ASAP1: variants seen among roughly 807,000 people sequenced by gnomAD.
ASAP1 encodes ArfGAP with SH3 domain, ankyrin repeat and PH domain 1, also known as arf-GAP with SH3 domain, ANK repeat and PH domain-containing protein 1.
Under a neutral mutation model 145.2 loss-of-function variants are expected in ASAP1, and 43 were observed. That is an observed-to-expected ratio of 0.30 (90% CI 0.23 to 0.38). The LOEUF is 0.38. Among genes scored for constraint, ASAP1 ranks in the 10% least tolerant of loss-of-function variants. The pLI is 1.00. For synonymous variants in ASAP1, 546 were observed against 515.5 expected (o/e 1.06, Z -0.80); for missense variants, 1,018 against 1,355.3 (o/e 0.75, Z 3.91).
chr8:130,335,823 A>C (rs961135069), intron 3 of ASAP1, among the ~76,000 whole-genome samples: 2 of 152,250 alleles, frequency 1.3e-5, no homozygotes, highest in Non-Finnish European at 2.9e-5. Flanking sequence ...GCTACTCTGT[A>C]GGCTTGAATC....
At chr8:130,274,614 G>A (rs940787518) in intron 3 of ASAP1, among the ~76,000 whole-genome samples, 1 of 152,178 alleles carries the variant, frequency 6.6e-6, no homozygotes, top group Non-Finnish European at 1.5e-5. Context: ...TCATTGTTGA[G>A]GATGTATCTT....
intron 20 of ASAP1, 40 bp from the exon 21 acceptor site, chr8:130,117,035 TTA>T: frequency 6.8e-7 from 1 of 1,465,498 alleles, no homozygotes; most frequent in South Asian, 1.2e-5. Context: ...ATGACTTACT[TTA>T]TAACTTAAAA....
Position 130,378,493 on chromosome 8 carries a change from G to A in ASAP1, c.60-20350C>T, listed in dbSNP as rs150682211. ...GTGCAAGTGCACGGAGGCTTGACAC[G>A]CACATAGATGTGGAGTGGTGCAAAT... On this transcript the variant is annotated intron_variant, in intron 2 of 29. Transcript: ENST00000518721. Among the ~76,000 whole-genome samples the A allele has an allele frequency of 6.3e-3, 960 of 152,338 alleles. 9 individuals carry two copies. Among genetic ancestry groups the A allele is most frequent in the African/African-American group, 0.022 (921 of 41,576 alleles).
rs1232491640 is a variant in ASAP1, at chr8:130,251,795, G to A, written c.187-14801C>T. 2.0e-5 allele frequency among the ~76,000 whole-genome samples: 3 copies of A among 152,112 alleles called. No homozygotes were observed. The East Asian group carries it at 5.8e-4, about 29-fold the overall frequency. On this transcript the variant is annotated intron_variant, in intron 3 of 29. Transcript: ENST00000518721. Reference sequence around the variant, plus strand: ...ATATGCAAGTAATTTCAATTGCACTGATAAGTTTAAAATTCCACATGGAAC... The same window carrying A: ...ATATGCAAGTAATTTCAATTGCACTAATAAGTTTAAAATTCCACATGGAAC...
chr8:130,162,882 C>T (rs2097672459), intron 11 of ASAP1: 2 of 152,160 alleles, frequency 1.3e-5, no homozygotes, highest in African/African-American at 4.8e-5. Flanking sequence ...TCATAACCCT[C>T]TTCCTTGGAA....
intron 3 of ASAP1, among the ~76,000 whole-genome samples, chr8:130,302,608 T>C (rs1273496750): frequency 1.3e-5 from 2 of 152,148 alleles, no homozygotes; most frequent in African/African-American, 4.8e-5. Flanking sequence ...ACTAGATTAA[T>C]GGCCATAGAA....
At chr8:130,112,831 C>G (rs2097548955) in intron 23 of ASAP1, among the ~76,000 whole-genome samples, 1 of 152,170 alleles carries the variant, frequency 6.6e-6, no homozygotes, top group Non-Finnish European at 1.5e-5. Context: ...AAATACAACC[C>G]CAGTGACTTG....
chr8:130,296,072 C>G (rs1378665604), intron 3 of ASAP1, among the ~76,000 whole-genome samples: 1 of 152,206 alleles, frequency 6.6e-6, no homozygotes, highest in Non-Finnish European at 1.5e-5. Flanking sequence ...TTACTGGGAA[C>G]TGGTCACACT....
chr8:130,183,512 T>C lies in ASAP1; in HGVS notation c.531-2632A>G, dbSNP rs954584844. On this transcript the variant is annotated intron_variant, in intron 7 of 29. Coordinates refer to ENST00000518721, the MANE Select transcript of ASAP1 (RefSeq NM_018482.4). Reference sequence around the variant, plus strand: ...CCCGCCACCACGCCCAGCTAATTTTTGTATTTTTTAGTAGAGACAAGGTTT... The same window carrying C: ...CCCGCCACCACGCCCAGCTAATTTTCGTATTTTTTAGTAGAGACAAGGTTT... Among the ~76,000 whole-genome samples the C allele has an allele frequency of 7.2e-5, 11 of 152,130 alleles. No individual in the cohort carries two copies. In the South Asian group the frequency reaches 1.9e-3, roughly 26 times the overall value.
chr8:130,074,494 A>C, intron 27 of ASAP1, among the ~76,000 whole-genome samples: 2 of 124,144 alleles, frequency 1.6e-5, no homozygotes. Context: ...CACAGAGAGA[A>C]CGAGAGTAGA....
At chr8:130,400,604 G>A (rs1479361151) in intron 2 of ASAP1, among the ~76,000 whole-genome samples, 8 of 147,562 alleles carry the variant, frequency 5.4e-5, no homozygotes, top group East Asian at 2.0e-4. Context: ...TGGCTAACAC[G>A]GTGAAACCCG....
chr8:130,331,905 T>C (rs1283371550), intron 3 of ASAP1, among the ~76,000 whole-genome samples: 1 of 152,094 alleles, frequency 6.6e-6, no homozygotes, highest in African/African-American at 2.4e-5. Flanking sequence ...CAGAGAACCA[T>C]AGAGCAGATC....
At chr8:130,370,192 C>T (rs1206418719) in intron 2 of ASAP1, among the ~76,000 whole-genome samples, 1 of 152,156 alleles carries the variant, frequency 6.6e-6, no homozygotes, top group Non-Finnish European at 1.5e-5. Context: ...ATCCTAGCTA[C>T]TCAGGAGGCT....
rs1236276927 is a variant in ASAP1, at chr8:130,069,705, G to A, written c.2701+6643C>T. On this transcript the variant is annotated intron_variant, in intron 27 of 29. Transcript: ENST00000518721. ...AAGCTTGGGTGGACCAAACCCCTCCGCTCTCCCAACATTAAACGGCCCTAA... is the reference window on the plus strand; with the variant it reads ...AAGCTTGGGTGGACCAAACCCCTCCACTCTCCCAACATTAAACGGCCCTAA... 2.0e-5 allele frequency: 3 copies of A among 152,246 alleles called. No individual in the cohort carries two copies. In the East Asian group the frequency reaches 5.8e-4, roughly 29 times the overall value. 9.4% of individuals were successfully genotyped at this position (152,246 alleles called of 1,614,324 possible).
intron 5 of ASAP1, among the ~76,000 whole-genome samples, chr8:130,211,725 C>T (rs565131984): frequency 2.0e-4 from 30 of 152,196 alleles, no homozygotes; most frequent in African/African-American, 6.5e-4. Context: ...TAGAAAATGA[C>T]ATTTTTTAGT....
intron 5 of ASAP1, among the ~76,000 whole-genome samples, chr8:130,188,741 A>AAAAAAAAAAAG (rs1814928134): frequency 6.9e-6 from 1 of 144,966 alleles, no homozygotes; most frequent in Non-Finnish European, 1.5e-5. Context: ...AAAAAAAAAA[A>AAAAAAAAAAAG]AAAAGAAAAG....
At chr8:130,323,546 T>C (rs1472703219) in intron 3 of ASAP1, among the ~76,000 whole-genome samples, 1 of 152,192 alleles carries the variant, frequency 6.6e-6, no homozygotes, top group Non-Finnish European at 1.5e-5. Context: ...TCCAGTGCCA[T>C]CTGCAGAAGA....
Position 130,116,960 on chromosome 8 carries a change from G to A in ASAP1, c.1916C>T (p.Thr639Ile). The change falls in exon 21 of 30, where the codon ACA becomes ATA. Residue 639 changes from threonine to isoleucine, a missense_variant. Coordinates refer to ENST00000518721, the MANE Select transcript of ASAP1 (RefSeq NM_018482.4). ...NLDKQTALGN[T>I]VLHYCSMYSK... ...GTACATACTACAGTAGTGTAGAACT[G>A]TGTTTCCCAGGGCCGTCTGCTTATC... 6.2e-7 allele frequency: 1 copy of A among 1,611,618 alleles called. No homozygotes were observed. The highest frequency in any genetic ancestry group is 8.5e-7 in the Non-Finnish European group (1 of 1,179,226).
At chr8:130,369,142 A>T (rs914628278) in intron 2 of ASAP1, among the ~76,000 whole-genome samples, 6 of 152,256 alleles carry the variant, frequency 3.9e-5, no homozygotes, top group Admixed American at 3.3e-4. Flanking sequence ...AATCGTATAC[A>T]GGTTGAGTAT....
Sources: gnomAD v4.1 joint callset for allele counts (sites outside exome capture counted in the v4.1 genomes callset) on GRCh38, gnomAD v4.1.1 for gene constraint, MANE v1.5 for transcripts, NCBI Gene and HGNC (gene_info 2026-07-23, HGNC 2026-07-21) for gene names.